The following BCAS3 variants were observed in gnomAD, a reference collection of about 807,000 sequenced individuals.
BCAS3 encodes BCAS3 microtubule associated cell migration factor, also known as BCAS4/BCAS3 fusion.
A neutral mutation model predicts 116.1 loss-of-function variants in BCAS3; 53 were observed. That is an observed-to-expected ratio of 0.46 (90% confidence interval 0.37 to 0.57). The LOEUF (loss-of-function observed/expected upper bound fraction) is 0.57. Ranked by LOEUF, BCAS3 falls within the 20% of genes least tolerant of loss-of-function variation. BCAS3 has a pLI of 0.00. For missense variants in BCAS3, 917 were observed against 1,165.4 expected (o/e 0.79, Z 3.10); for synonymous variants, 391 against 408.2 (o/e 0.96, Z 0.51).
rs752029646 is a variant in BCAS3 at position 61,026,930 on chromosome 17, C to T, written c.1638-7736C>T. 49 of 1,592,882 alleles carry T rather than the reference C, an allele frequency of 3.1e-5. No individual in the cohort carries two copies. The East Asian group carries it at 4.3e-4, about 14-fold the overall frequency. ...CCCATGGTGAGTTCCAGTTCAGTCCCGCATGCCTCATTCATTTGCTGTACT... is the reference window on the plus strand; with the variant it reads ...CCCATGGTGAGTTCCAGTTCAGTCCTGCATGCCTCATTCATTTGCTGTACT... On this transcript the variant is annotated intron_variant, in intron 16 of 23. Transcript: ENST00000407086. This position sits in a 1 kb window ranked among gnomAD's most constrained non-coding sequence, Gnocchi z 5.0.
At chr17:61,054,654 A>G (rs1008317086) in intron 19 of BCAS3, among the ~76,000 whole-genome samples, 5 of 152,226 alleles carry the variant, frequency 3.3e-5, no homozygotes, top group African/African-American at 1.2e-4. Flanking sequence ...GACTACAGGC[A>G]TGAGCCACCA....
At chr17:61,231,100 G>C (rs142531734) in intron 22 of BCAS3, among the ~76,000 whole-genome samples, 1 of 151,106 alleles carries the variant, frequency 6.6e-6, no homozygotes, top group Non-Finnish European at 1.5e-5. Context: ...TGCTGTACCT[G>C]ACCTGACTTT....
chr17:61,272,961 C>G (rs974366012), intron 22 of BCAS3, among the ~76,000 whole-genome samples: 2 of 152,098 alleles, frequency 1.3e-5, no homozygotes, highest in Non-Finnish European at 2.9e-5. Context: ...TCTTTCTTGG[C>G]TTACTTCCTT....
chr17:61,150,559 G>C (rs2077489633), intron 22 of BCAS3, among the ~76,000 whole-genome samples: 1 of 152,192 alleles, frequency 6.6e-6, no homozygotes, highest in Non-Finnish European at 1.5e-5. Flanking sequence ...CCAGTATAGA[G>C]TTTACAAAAG....
At chr17:60,868,207 A>G (rs2054794793) in intron 7 of BCAS3, among the ~76,000 whole-genome samples, 1 of 151,576 alleles carries the variant, frequency 6.6e-6, no homozygotes, top group Admixed American at 6.6e-5. Flanking sequence ...GTATTTTTTT[A>G]GTGGGGGCAG....
At chr17:60,743,373 A>T (rs1045804048) in intron 5 of BCAS3, among the ~76,000 whole-genome samples, 7 of 152,088 alleles carry the variant, frequency 4.6e-5, no homozygotes, top group Admixed American at 1.3e-4. Flanking sequence ...ATGTAGCAGG[A>T]CCTTCTGAGT....
chr17:61,206,847 C>G (rs1025560884), intron 22 of BCAS3, among the ~76,000 whole-genome samples: 2 of 148,404 alleles, frequency 1.3e-5, no homozygotes, highest in South Asian at 4.2e-4. Flanking sequence ...GGGGGAATCC[C>G]CTATGAATGT....
intron 14 of BCAS3, among the ~76,000 whole-genome samples, chr17:60,958,707 C>A (rs1001760999): frequency 6.6e-6 from 1 of 152,140 alleles, no homozygotes; most frequent in Admixed American, 6.5e-5. Flanking sequence ...TTCTAAAATT[C>A]ACATGAAAAT....
intron 7 of BCAS3, among the ~76,000 whole-genome samples, chr17:60,844,697 A>G (rs2052336679): frequency 6.6e-6 from 1 of 152,176 alleles, no homozygotes; most frequent in Non-Finnish European, 1.5e-5. Context: ...TGAGTAGGAC[A>G]GTTCTCTTTA....
chr17:60,749,234 A>G (rs1051457977), intron 6 of BCAS3, among the ~76,000 whole-genome samples: 3 of 152,186 alleles, frequency 2.0e-5, no homozygotes, highest in Admixed American at 1.3e-4. Flanking sequence ...CTCTTGATTG[A>G]TTGTTTGGCT....
chr17:61,225,228 G>A (rs985232630), intron 22 of BCAS3, among the ~76,000 whole-genome samples: 1 of 141,234 alleles, frequency 7.1e-6, no homozygotes, highest in African/African-American at 2.7e-5. Flanking sequence ...GCCTGCCTTT[G>A]TATTCCTGAC....
At chr17:60,906,755 A>G (rs1036318116) in intron 11 of BCAS3, among the ~76,000 whole-genome samples, 1 of 152,182 alleles carries the variant, frequency 6.6e-6, no homozygotes, top group Non-Finnish European at 1.5e-5. Context: ...GTCATTATTG[A>G]AAATAGAAAA....
chr17:60,936,653 T>C (rs958630807), intron 13 of BCAS3, among the ~76,000 whole-genome samples: 1 of 152,226 alleles, frequency 6.6e-6, no homozygotes, highest in African/African-American at 2.4e-5. Context: ...TGCATAAATG[T>C]CTTCTTTTGA....
rs2079390019 is a variant in BCAS3 at position 61,180,032 on chromosome 17, G to C, written c.2425+95468G>C. 6.6e-6 allele frequency among the ~76,000 whole-genome samples: 1 copy of C among 152,036 alleles called. No individual in the cohort carries two copies. Among genetic ancestry groups the C allele is most frequent in the South Asian group, 2.1e-4 (1 of 4,808 alleles). On this transcript the variant is annotated intron_variant, in intron 22 of 23. Transcript: ENST00000407086. The surrounding 1 kb of genome is among the most constrained non-coding windows in gnomAD (Gnocchi z 6.0). ...TTTCATAAAAATATATCTGCAAGCTGTAGCGACCTGGGACTTTTTGTTAGA... is the reference window on the plus strand; with the variant it reads ...TTTCATAAAAATATATCTGCAAGCTCTAGCGACCTGGGACTTTTTGTTAGA...
intron 22 of BCAS3, among the ~76,000 whole-genome samples, chr17:61,187,816 G>A (rs938403034): frequency 2.2e-4 from 33 of 151,890 alleles, no homozygotes; most frequent in African/African-American, 7.7e-4. Context: ...TAGCAGCTAA[G>A]GTTTTTTTTT....
At position 60,782,588 on chromosome 17, in the gene BCAS3, A is replaced by C. The variant is rs1365461668; in HGVS notation, c.404-25416A>C. Among the ~76,000 whole-genome samples, 4 of 147,852 alleles carry C rather than the reference A, an allele frequency of 2.7e-5. No homozygotes were observed. The East Asian group carries it at 7.8e-4, about 29-fold the overall frequency. On this transcript the variant is annotated intron_variant, in intron 6 of 23. Transcript: ENST00000407086. ...TATTATTATTATTATTATTATTATTATTATTATTATTATTTTGAGATGGAG... is the reference window on the plus strand; with the variant it reads ...TATTATTATTATTATTATTATTATTCTTATTATTATTATTTTGAGATGGAG...
chr17:60,881,866 G>C lies in BCAS3; in HGVS notation c.661+7128G>C, dbSNP rs561441745. Among the ~76,000 whole-genome samples, 483 of 146,820 alleles carry C rather than the reference G, an allele frequency of 3.3e-3. 2 individuals carry two copies. Among genetic ancestry groups the C allele is most frequent in the Non-Finnish European group, 4.6e-3 (311 of 67,030 alleles). On this transcript the variant is annotated intron_variant, in intron 9 of 23. Transcript: ENST00000407086. The stretch of plus-strand genomic sequence containing the variant: ...TGTTGGACATTTGGGTTGGTTCCAA[G>C]TCTTTGCTATTGTGAATAATGCCGC...
chr17:61,054,870 A>T (rs966546767), intron 19 of BCAS3, among the ~76,000 whole-genome samples: 2 of 152,172 alleles, frequency 1.3e-5, no homozygotes, highest in Non-Finnish European at 2.9e-5. Context: ...AGCTAGTCAT[A>T]TTTATTGCAC....
intron 22 of BCAS3, among the ~76,000 whole-genome samples, chr17:61,304,235 C>T (rs2053663046): frequency 6.6e-6 from 1 of 152,216 alleles, no homozygotes; most frequent in Admixed American, 6.5e-5. Context: ...CTCCACTCAC[C>T]TGTCCTGTGA....
Sources: gnomAD v4.1 joint callset for allele counts (sites outside exome capture counted in the v4.1 genomes callset) on GRCh38, gnomAD v4.1.1 for gene constraint, Gnocchi (gnomAD v3.1) non-coding constraint, MANE v1.5 for transcripts, NCBI Gene and HGNC (gene_info 2026-07-23, HGNC 2026-07-21) for gene names.